The following LINGO2 variants were observed in gnomAD, a reference collection of about 807,000 sequenced individuals.
The protein encoded by LINGO2 is leucine rich repeat and Ig domain containing 2.
LINGO2 carries 14 observed loss-of-function variants against 30.6 expected under a neutral mutation model. That is an observed-to-expected ratio of 0.46 (90% CI 0.30 to 0.72). The LOEUF is 0.72. Among genes scored for constraint, LINGO2 ranks in the 30% least tolerant of loss-of-function variants. The pLI is 0.07. For synonymous variants in LINGO2, 317 were observed against 288.5 expected (o/e 1.10, Z -1.00); for missense variants, 729 against 751.7 (o/e 0.97, Z 0.35).
chr9:28,916,347 C>A, the LINGO2 span, among the ~76,000 whole-genome samples: 1 of 152,044 alleles, frequency 6.6e-6, no homozygotes, highest in East Asian at 1.9e-4. Flanking sequence ...TTTTCCTGAT[C>A]CAGGAGAGAA....
At chr9:29,205,110 G>C in the LINGO2 span, among the ~76,000 whole-genome samples, 1 of 151,852 alleles carries the variant, frequency 6.6e-6, no homozygotes, top group African/African-American at 2.4e-5. Flanking sequence ...GTGCATTCTT[G>C]GCTCACTGCA....
intron 2 of LINGO2, among the ~76,000 whole-genome samples, chr9:28,388,890 CTCTCTT>C (rs1253597165): frequency 1.3e-5 from 2 of 149,680 alleles, no homozygotes; most frequent in East Asian, 2.0e-4. Flanking sequence ...TTCTCTCTTT[CTCTCTT>C]TCTCTCTCTC....
the LINGO2 span, among the ~76,000 whole-genome samples, chr9:28,887,715 T>G: frequency 6.6e-6 from 1 of 152,050 alleles, no homozygotes; most frequent in East Asian, 1.9e-4. Context: ...ACAAAAAGGC[T>G]GAGAACTGTA....
chr9:28,347,334 G>A (rs539724201), intron 3 of LINGO2, among the ~76,000 whole-genome samples: 1 of 151,974 alleles, frequency 6.6e-6, no homozygotes, highest in Non-Finnish European at 1.5e-5. Context: ...CCATTACAAC[G>A]GGCTCTCAGG....
At chr9:28,304,391 T>C (rs1225954161) in intron 3 of LINGO2, among the ~76,000 whole-genome samples, 1 of 151,652 alleles carries the variant, frequency 6.6e-6, no homozygotes, top group Non-Finnish European at 1.5e-5. Context: ...TGTATATATA[T>C]GTAATTAAAT....
At chr9:28,468,089 T>G (rs1380069269) in intron 2 of LINGO2, among the ~76,000 whole-genome samples, 1 of 152,186 alleles carries the variant, frequency 6.6e-6, no homozygotes, top group African/African-American at 2.4e-5. Flanking sequence ...GATAAACTTA[T>G]AGACTGATTT....
intron 2 of LINGO2, among the ~76,000 whole-genome samples, chr9:28,382,045 A>G (rs1339780309): frequency 1.3e-5 from 2 of 152,116 alleles, no homozygotes; most frequent in African/African-American, 4.8e-5. Context: ...ACTTATTAAC[A>G]GGGAAATATT....
intron 3 of LINGO2, among the ~76,000 whole-genome samples, chr9:28,363,144 G>C (rs969162006): frequency 3.9e-5 from 6 of 152,124 alleles, no homozygotes; most frequent in Admixed American, 2.6e-4. Context: ...GGAAACTCAA[G>C]TTTAGAGATT....
intron 4 of LINGO2, among the ~76,000 whole-genome samples, chr9:28,153,905 A>G (rs543953033): frequency 3.3e-5 from 5 of 152,332 alleles, no homozygotes; most frequent in African/African-American, 1.2e-4. Context: ...AGCAAATACA[A>G]TTGGGACAAG....
At chr9:28,341,565 A>C (rs1825766380) in intron 3 of LINGO2, among the ~76,000 whole-genome samples, 1 of 152,188 alleles carries the variant, frequency 6.6e-6, no homozygotes, top group Admixed American at 6.5e-5. Flanking sequence ...CATTAAATAC[A>C]ATCAGAAAAG....
At chr9:29,199,608 A>G in the LINGO2 span, among the ~76,000 whole-genome samples, 2 of 152,140 alleles carry the variant, frequency 1.3e-5, no homozygotes, top group Middle Eastern at 3.2e-3. Context: ...CCTTTTCCCA[A>G]TAGAGGTGGC....
At chr9:28,549,471 G>T (rs561566924) in intron 1 of LINGO2, among the ~76,000 whole-genome samples, 1 of 151,812 alleles carries the variant, frequency 6.6e-6, no homozygotes, top group East Asian at 1.9e-4. Flanking sequence ...GTTTACGTAG[G>T]GTTTAAAGTT....
chr9:28,544,209 A>AC (rs1214217065), intron 1 of LINGO2, among the ~76,000 whole-genome samples: 12 of 152,228 alleles, frequency 7.9e-5, no homozygotes, highest in African/African-American at 2.4e-4. Flanking sequence ...ATCTCAAAAA[A>AC]AAATACAAAT....
chr9:28,536,770 T>G (rs1294571582), intron 1 of LINGO2, among the ~76,000 whole-genome samples: 1 of 152,092 alleles, frequency 6.6e-6, no homozygotes, highest in Admixed American at 6.6e-5. Flanking sequence ...AGACAAGACA[T>G]TTGATACTAT....
the LINGO2 span, among the ~76,000 whole-genome samples, chr9:28,746,912 C>T: frequency 2.0e-5 from 3 of 152,006 alleles, no homozygotes; most frequent in African/African-American, 7.3e-5. Context: ...ATGATATTGA[C>T]TTCAGAGTTA....
chr9:28,875,224 T>C, the LINGO2 span, among the ~76,000 whole-genome samples: 1 of 152,120 alleles, frequency 6.6e-6, no homozygotes, highest in Non-Finnish European at 1.5e-5. Flanking sequence ...AACTTACATC[T>C]CTAAATGTTT....
chr9:28,215,681 G>A (rs1407068669), intron 4 of LINGO2, among the ~76,000 whole-genome samples: 1 of 151,652 alleles, frequency 6.6e-6, no homozygotes, highest in South Asian at 2.1e-4. Flanking sequence ...TGAATCGATG[G>A]AAGTGTCTAA....
At chr9:29,023,789 T>A in the LINGO2 span, among the ~76,000 whole-genome samples, 1 of 152,094 alleles carries the variant, frequency 6.6e-6, no homozygotes, top group Non-Finnish European at 1.5e-5. Context: ...TTTCAGAATA[T>A]TCAAAACTTT....
intron 1 of LINGO2, among the ~76,000 whole-genome samples, chr9:28,609,784 T>A (rs1825839904): frequency 1.3e-5 from 2 of 152,086 alleles, no homozygotes; most frequent in African/African-American, 4.8e-5. Context: ...TTTGCACATA[T>A]GAGTGTTTCT....
Sources: allele counts gnomAD v4.1 joint callset (sites outside exome capture counted in the v4.1 genomes callset), GRCh38; gene constraint gnomAD v4.1.1; transcripts MANE v1.5; gene names NCBI Gene and HGNC (gene_info 2026-07-23, HGNC 2026-07-21).